Variants in LIM2 observed in about 807,000 individuals in gnomAD.
LIM2 encodes the protein lens intrinsic membrane protein 2.
In LIM2, 14 loss-of-function variants were observed where a neutral mutation model predicts 19.0. That is an observed-to-expected ratio of 0.74 (90% confidence interval 0.49 to 1.15). The LOEUF (loss-of-function observed/expected upper bound fraction) is 1.15, where lower values mean the gene tolerates loss of function less well. Ranked by LOEUF, LIM2 falls within the 50% of genes most tolerant of loss-of-function variation. LIM2 has a pLI of 0.00. For missense variants in LIM2, 230 were observed against 243.5 expected, an observed-to-expected ratio of 0.94 and a Z score of 0.37; for synonymous variants, 78 against 89.6, an observed-to-expected ratio of 0.87 and a Z score of 0.73.
At chr19:51,387,166 T>A (rs530153876) in intron 2 of LIM2, 103 bp downstream of exon 2, 9 of 1,612,006 alleles carry the variant, frequency 5.6e-6, no homozygotes, top group Non-Finnish European at 7.6e-6. Context: ...CTTTCCCTCT[T>A]TGAGCCGCAG....
At chr19:51,387,042 A>G (rs986159096) in intron 2 of LIM2, 15 of 789,944 alleles carry the variant, frequency 1.9e-5, no homozygotes, top group Non-Finnish European at 3.3e-5. Flanking sequence ...GCGTCAGGAA[A>G]TGCCACCTCT....
At chr19:51,385,217 A>G (rs1194990613) in intron 2 of LIM2, among the ~76,000 whole-genome samples, 1 of 151,898 alleles carries the variant, frequency 6.6e-6, no homozygotes, top group Non-Finnish European at 1.5e-5. Flanking sequence ...TCTCTACAAA[A>G]ATCAAATCAA....
intron 2 of LIM2, 128 bp downstream of exon 2, chr19:51,387,141 A>G: frequency 6.4e-7 from 1 of 1,570,272 alleles, no homozygotes; most frequent in South Asian, 1.1e-5. Context: ...ATGCTGAGTG[A>G]CCTTGGGTTG....
chr19:51,384,077 G>A (rs571490642), intron 2 of LIM2, among the ~76,000 whole-genome samples: 1 of 152,254 alleles, frequency 6.6e-6, no homozygotes, highest in African/African-American at 2.4e-5. Flanking sequence ...TGGCAATAGA[G>A]TCTTTGCAAA....
At chr19:51,385,306 G>A (rs1987007296) in intron 2 of LIM2, among the ~76,000 whole-genome samples, 1 of 152,190 alleles carries the variant, frequency 6.6e-6, no homozygotes, top group African/African-American at 2.4e-5. Context: ...TGGATCACCT[G>A]AGGTCAGGAG....
At chr19:51,380,733 A>T in intron 3 of LIM2, 94 bp from the exon 4 acceptor site, 28 of 729,824 alleles carry the variant, frequency 3.8e-5, no homozygotes, top group East Asian at 5.5e-5. Context: ...GGGAACTAAG[A>T]TTGGGGAAAG....
intron 2 of LIM2, 194 bp downstream of exon 2, chr19:51,387,075 C>G: frequency 9.9e-7 from 1 of 1,005,648 alleles, no homozygotes; most frequent in Non-Finnish European, 1.5e-6. Context: ...TTCAAACCAG[C>G]ACCCCGTGAA....
intron 2 of LIM2, among the ~76,000 whole-genome samples, chr19:51,382,772 A>T (rs1025605390): frequency 1.3e-5 from 2 of 151,994 alleles, no homozygotes; most frequent in African/African-American, 4.8e-5. Context: ...TCTAGGAAGC[A>T]TCTCCCCACC....
At position 51,382,551 on chromosome 19, in the gene LIM2, G is replaced by A. The variant is rs1986923501; in HGVS notation, c.192C>T (p.Thr64=). 15 of 1,613,698 alleles carry A rather than the reference G, an allele frequency of 9.3e-6. No homozygotes were observed. Among genetic ancestry groups the A allele is most frequent in the Non-Finnish European group, 1.3e-5 (15 of 1,179,872 alleles). The part of the protein sequence containing the change: ...QTDSIAYWNA[T]RAFMILSALC... ...GGGCAGACAGGATCATGAAGGCCCG[G>A]GTGGCATTCCAGTATGCTGTGGGAG... is the stretch of plus-strand genomic sequence containing the variant. Residue 64 remains threonine (T), a synonymous_variant, in exon 3 of 5, where the codon ACC becomes ACT. Coordinates refer to ENST00000596399, the MANE Select transcript of LIM2 (RefSeq NM_001161748.2).
At chr19:51,383,681 G>C (rs79376961) in intron 2 of LIM2, among the ~76,000 whole-genome samples, 8,156 of 152,234 alleles carry the variant, frequency 0.054, 740 homozygotes, top group African/African-American at 0.18. Context: ...TATTCCTCCA[G>C]AGCCCTACTC....
intron 3 of LIM2, among the ~76,000 whole-genome samples, chr19:51,381,101 A>G (rs186701637): frequency 2.2e-4 from 34 of 152,254 alleles, no homozygotes; most frequent in Non-Finnish European, 4.3e-4. Context: ...ACTTGAGGTC[A>G]GGAGATCAAG....
rs780076145 is a variant in LIM2, at chr19:51,380,499, C to G, written c.460+6G>C. ...CACTGACCTTCCCACCCCTTGCCCCCAGTACCTGCGAAGAACGTCATGAGC... is the reference window on the plus strand; with the variant it reads ...CACTGACCTTCCCACCCCTTGCCCCGAGTACCTGCGAAGAACGTCATGAGC... On this transcript the variant is annotated splice_donor_region_variant and intron_variant, in intron 4 of 4. Transcript: ENST00000596399. The G allele has an allele frequency of 4.3e-6, 7 of 1,614,206 alleles. No homozygotes were observed. In the South Asian group the frequency reaches 5.5e-5, roughly 13 times the overall value.
Position 51,380,607 on chromosome 19 carries a change from TGTAGA to T in LIM2, c.353_357del (p.Ile118AsnfsTer46). 1 of 1,613,956 alleles carries T rather than the reference TGTAGA, an allele frequency of 6.2e-7. No individual in the cohort carries two copies. The highest frequency in any genetic ancestry group is 8.5e-7 in the Non-Finnish European group (1 of 1,180,012). ...CCCAGGAAGCTGACGGTGACTCCAG[TGTAGA>T]TGGCCAAGGCCAACACGACGAAAAG... On this transcript the variant is annotated frameshift_variant, in exon 4 of 5. Coordinates refer to ENST00000596399, the MANE Select transcript of LIM2 (RefSeq NM_001161748.2). LOFTEE classifies it high-confidence loss of function.
At chr19:51,385,499 G>A (rs1987014279) in intron 2 of LIM2, among the ~76,000 whole-genome samples, 1 of 152,158 alleles carries the variant, frequency 6.6e-6, no homozygotes, top group South Asian at 2.1e-4. Context: ...TCTGGCAGGG[G>A]TGACAGAGCG....
chr19:51,381,181 G>C (rs1392827104), intron 3 of LIM2, among the ~76,000 whole-genome samples: 2 of 152,196 alleles, frequency 1.3e-5, no homozygotes, highest in Admixed American at 1.3e-4. Context: ...AGCTGGGTGT[G>C]GTGGTGGGTG....
intron 2 of LIM2, among the ~76,000 whole-genome samples, chr19:51,383,250 G>C (rs185275515): frequency 6.6e-6 from 1 of 151,970 alleles, no homozygotes; most frequent in African/African-American, 2.4e-5. Flanking sequence ...GGCCAGGCTG[G>C]TCTCAAACTC....
At chr19:51,387,859 G>A (rs1405088292) in intron 1 of LIM2, 60 bp downstream of exon 1, 1 of 237,648 alleles carries the variant, frequency 4.2e-6, no homozygotes, top group Non-Finnish European at 8.4e-6. Context: ...AAGGAGCTGG[G>A]ACCCTAGACT....
chr19:51,383,022 C>CTTTT (rs1986940285), intron 2 of LIM2, among the ~76,000 whole-genome samples: 1 of 109,682 alleles, frequency 9.1e-6, no homozygotes, highest in African/African-American at 4.2e-5. Context: ...CTTTTTTTTT[C>CTTTT]TTTTCTTTTT....
chr19:51,385,288 G>A (rs1348470304), intron 2 of LIM2, among the ~76,000 whole-genome samples: 2 of 152,174 alleles, frequency 1.3e-5, no homozygotes, highest in African/African-American at 4.8e-5. Flanking sequence ...TTGGGAGGCC[G>A]AGGCGGGTGG....
Sources: allele counts gnomAD v4.1 joint callset (sites outside exome capture counted in the v4.1 genomes callset), GRCh38; gene constraint gnomAD v4.1.1; transcripts MANE v1.5; gene names NCBI Gene and HGNC (gene_info 2026-07-23, HGNC 2026-07-21).